Variants in KCNMB2 observed in about 807,000 individuals in gnomAD.
KCNMB2 encodes the protein potassium calcium-activated channel subfamily M regulatory beta subunit 2, also known as calcium-activated potassium channel subunit beta-2.
Under a neutral mutation model 24.5 loss-of-function variants are expected in KCNMB2, and 9 were observed. The ratio of observed to expected loss-of-function variants is 0.37; its 90% CI spans 0.22 to 0.64. The LOEUF (loss-of-function observed/expected upper bound fraction) is 0.64, where lower values mean the gene tolerates loss of function less well. Among genes scored for constraint, KCNMB2 ranks in the 30% least tolerant of loss-of-function variants. KCNMB2 has a pLI of 0.63. For missense variants in KCNMB2, 226 were observed against 284.3 expected (o/e 0.79, Z 1.47); for synonymous variants, 109 against 104.4 (o/e 1.04, Z -0.27).
chr3:178,716,933 T>C (rs1559987023), intron 1 of KCNMB2, among the ~76,000 whole-genome samples: 2 of 152,062 alleles, frequency 1.3e-5, no homozygotes, highest in Admixed American at 6.6e-5. Context: ...CAGGTCATAG[T>C]AGAGTCAGTC....
intron 1 of KCNMB2, among the ~76,000 whole-genome samples, chr3:178,598,268 G>C (rs1044484084): frequency 2.0e-5 from 3 of 152,118 alleles, no homozygotes; most frequent in Non-Finnish European, 4.4e-5. Flanking sequence ...TTTGAATCCA[G>C]TCAAGAGATA....
chr3:178,556,694 C>G (rs904724944), intron 1 of KCNMB2, among the ~76,000 whole-genome samples: 1 of 152,162 alleles, frequency 6.6e-6, no homozygotes, highest in Admixed American at 6.5e-5. Context: ...TGTAAGCCAC[C>G]TCGCCCTGCC....
intron 2 of KCNMB2, among the ~76,000 whole-genome samples, chr3:178,824,868 T>C (rs1424855990): frequency 4.6e-5 from 7 of 152,208 alleles, no homozygotes; most frequent in Non-Finnish European, 1.0e-4. Context: ...AATTTCTTGT[T>C]CTTTCTTACC....
intron 1 of KCNMB2, among the ~76,000 whole-genome samples, chr3:178,692,807 AG>A (rs1345662137): frequency 6.6e-6 from 1 of 152,202 alleles, no homozygotes. Context: ...TAGTTTAATA[AG>A]AATAGCATTG....
At chr3:178,575,097 T>C (rs1428509758) in intron 1 of KCNMB2, among the ~76,000 whole-genome samples, 1 of 152,122 alleles carries the variant, frequency 6.6e-6, no homozygotes, top group African/African-American at 2.4e-5. Context: ...AATCTGTATC[T>C]TTGTGATGCT....
Position 178,605,811 on chromosome 3 carries a change from G to C in KCNMB2, c.-68+69100G>C, listed in dbSNP as rs80098785. 9.1e-4 allele frequency among the ~76,000 whole-genome samples: 138 copies of C among 152,304 alleles called. No individual in the cohort carries two copies. In the East Asian group the frequency reaches 0.023, roughly 25 times the overall value. On this transcript the variant is annotated intron_variant, in intron 1 of 4. Transcript: ENST00000452583. ...GATATTTAGCTGAAATAATTCCCAA[G>C]CAAAGTGTTAAAAGTACAGCTTGGT...
intron 1 of KCNMB2, among the ~76,000 whole-genome samples, chr3:178,692,060 ACTGT>A (rs1292327606): frequency 2.0e-5 from 3 of 151,890 alleles, no homozygotes; most frequent in African/African-American, 7.3e-5. Flanking sequence ...TCTTTTGAAA[ACTGT>A]CTATGTCTGC....
intron 1 of KCNMB2, among the ~76,000 whole-genome samples, chr3:178,692,652 T>C (rs1037241839): frequency 2.0e-5 from 3 of 152,200 alleles, no homozygotes; most frequent in South Asian, 4.1e-4. Flanking sequence ...TTCAACTCTG[T>C]AGTATAGTTT....
intron 1 of KCNMB2, among the ~76,000 whole-genome samples, chr3:178,615,396 T>A (rs542701924): frequency 1.4e-4 from 22 of 152,318 alleles, no homozygotes; most frequent in African/African-American, 5.3e-4. Flanking sequence ...GGTCCAGAGA[T>A]GCTATCCAGG....
intron 1 of KCNMB2, among the ~76,000 whole-genome samples, chr3:178,724,913 G>C (rs1722918498): frequency 6.6e-6 from 1 of 152,088 alleles, no homozygotes; most frequent in Non-Finnish European, 1.5e-5. Flanking sequence ...TAGCTTTGTA[G>C]TATAGTTCGA....
At chr3:178,767,062 G>A (rs1332175649) in intron 1 of KCNMB2, among the ~76,000 whole-genome samples, 1 of 152,178 alleles carries the variant, frequency 6.6e-6, no homozygotes, top group Non-Finnish European at 1.5e-5. Context: ...GTGAGTAGAG[G>A]CCAGAGAGGG....
chr3:178,795,143 GC>G (rs1173770133), intron 1 of KCNMB2: 1 of 151,772 alleles, frequency 6.6e-6, no homozygotes, highest in South Asian at 2.1e-4. Context: ...TTTTTTAAGG[GC>G]CCTTCCAGAG....
chr3:178,819,817 A>G (rs1319157264), intron 2 of KCNMB2, among the ~76,000 whole-genome samples: 5 of 152,212 alleles, frequency 3.3e-5, no homozygotes, highest in Non-Finnish European at 7.3e-5. Context: ...AAGAATCTGA[A>G]AACTAGTAAA....
intron 1 of KCNMB2, among the ~76,000 whole-genome samples, chr3:178,631,688 T>C (rs1719325698): frequency 6.6e-6 from 1 of 152,204 alleles, no homozygotes; most frequent in Admixed American, 6.5e-5. Context: ...TTGTCACAAT[T>C]CAAATTAAAA....
chr3:178,648,153 AAT>A lies in KCNMB2; in HGVS notation c.-68+111445_-68+111446del, dbSNP rs546322327. On this transcript the variant is annotated intron_variant, in intron 1 of 4. Transcript: ENST00000452583. ...CATAGGTATCTACACTAAAGAATTT[AAT>A]ATTCTACTTTCACACATTCATTCAG... Among the ~76,000 whole-genome samples the A allele has an allele frequency of 1.9e-4, 29 of 152,288 alleles. No individual in the cohort carries two copies. The East Asian group carries it at 5.6e-3, about 29-fold the overall frequency.
At chr3:178,597,653 T>A (rs899711740) in intron 1 of KCNMB2, among the ~76,000 whole-genome samples, 1 of 152,162 alleles carries the variant, frequency 6.6e-6, no homozygotes, top group Non-Finnish European at 1.5e-5. Flanking sequence ...ATGAACTGCA[T>A]TAAGACTCCT....
At chr3:178,824,133 TC>T (rs983696206) in intron 2 of KCNMB2, among the ~76,000 whole-genome samples, 91 of 152,200 alleles carry the variant, frequency 6.0e-4, no homozygotes, top group African/African-American at 2.1e-3. Flanking sequence ...TCTCATCATC[TC>T]CCCAAGCACC....
chr3:178,721,261 A>G (rs1038389530), intron 1 of KCNMB2, among the ~76,000 whole-genome samples: 6 of 151,988 alleles, frequency 3.9e-5, no homozygotes, highest in East Asian at 1.9e-4. Flanking sequence ...TTTTTCTCAG[A>G]TTTGTCAAAG....
At chr3:178,835,628 T>C (rs1715198759) in intron 4 of KCNMB2, among the ~76,000 whole-genome samples, 1 of 152,218 alleles carries the variant, frequency 6.6e-6, no homozygotes, top group East Asian at 1.9e-4. Context: ...TATTCATTGT[T>C]TGGGAACACT....
Sources: gnomAD v4.1 joint callset for allele counts (sites outside exome capture counted in the v4.1 genomes callset) on GRCh38, gnomAD v4.1.1 for gene constraint, MANE v1.5 for transcripts, NCBI Gene and HGNC (gene_info 2026-07-23, HGNC 2026-07-21) for gene names.